The following MGAT5B variants were observed in gnomAD, a reference collection of about 807,000 sequenced individuals.
The protein encoded by MGAT5B is N-acetylglucosaminyl-transferase Vb.
MGAT5B carries 54 observed loss-of-function variants against 95.1 expected under a neutral mutation model. The ratio of observed to expected loss-of-function variants is 0.57; its 90% confidence interval spans 0.46 to 0.71. MGAT5B has a LOEUF of 0.71. MGAT5B is among the 30% of genes least tolerant of loss of function. The pLI is 0.00. For synonymous variants in MGAT5B, 464 were observed against 451.0 expected (o/e 1.03, Z -0.36); for missense variants, 935 against 1,088.6 (o/e 0.86, Z 1.99).
rs1227685498 is a variant in MGAT5B at position 76,870,473 on chromosome 17, G to T, written c.68+1376G>T. Reference sequence around the variant, plus strand: ...TGACTGGGAACGCTGGAGGGTCCTCGCCCCTTCCGACCCCATCCCTGTCCC... The same window carrying T: ...TGACTGGGAACGCTGGAGGGTCCTCTCCCCTTCCGACCCCATCCCTGTCCC... On this transcript the variant is annotated intron_variant, in intron 1 of 17. Coordinates refer to ENST00000569840, the MANE Select transcript of MGAT5B (RefSeq NM_001199172.2). This position sits in a 1 kb window ranked among gnomAD's most constrained non-coding sequence, Gnocchi z 5.0. Among the ~76,000 whole-genome samples, 2 of 100,288 alleles carry T rather than the reference G, an allele frequency of 2.0e-5. No individual in the cohort carries two copies. Among genetic ancestry groups the T allele is most frequent in the Non-Finnish European group, 3.7e-5 (2 of 53,504 alleles). The allele number at this position is 100,288 out of a possible 152,430, so 65.8% of individuals were successfully genotyped here.
In MGAT5B at chr17:76,869,575, C is replaced by T. The variant is rs1220091020; in HGVS notation, c.68+478C>T. Among the ~76,000 whole-genome samples the T allele has an allele frequency of 1.9e-4, 29 of 152,224 alleles. No individual in the cohort carries two copies. The highest frequency in any genetic ancestry group is 4.0e-4 in the Non-Finnish European group (27 of 68,034). The stretch of plus-strand genomic sequence containing the variant: ...CCAACCCCTCCGCCTGTGCCACCCT[C>T]TCCCCAGCCTTTGGTGGCACTGCTC... On this transcript the variant is annotated intron_variant, in intron 1 of 17. Coordinates refer to ENST00000569840, the MANE Select transcript of MGAT5B (RefSeq NM_001199172.2). The surrounding 1 kb of genome is among the most constrained non-coding windows in gnomAD (Gnocchi z 7.0).
Position 76,917,253 on chromosome 17 carries a change from G to A in MGAT5B, c.1026-7713G>A, listed in dbSNP as rs1968970388. Among the ~76,000 whole-genome samples, 1 of 152,100 alleles carries A rather than the reference G, an allele frequency of 6.6e-6. No homozygotes were observed. Among genetic ancestry groups the A allele is most frequent in the South Asian group, 2.1e-4 (1 of 4,816 alleles). On this transcript the variant is annotated intron_variant, in intron 8 of 17. Transcript: ENST00000569840. This position sits in a 1 kb window ranked among gnomAD's most constrained non-coding sequence, Gnocchi z 6.1. ...CAGGTCCGAATGTTCCTCGAAGTCA[G>A]TTTCTTTGCTGTGTCTCCGGCCTCT...
chr17:76,932,030 C>T (rs2145254682), intron 10 of MGAT5B, among the ~76,000 whole-genome samples: 1 of 151,890 alleles, frequency 6.6e-6, no homozygotes, highest in African/African-American at 2.4e-5. Context: ...TCCTCCTCCT[C>T]CTGTTCCTCC....
In MGAT5B at chr17:76,938,186, C is replaced by CA; in HGVS notation, c.1584+44dup. ...GCACCATTCTCACACTTGCCGGCTG[C>CA]AGACACTGAGGTCACCACCCATGCC... On this transcript the variant is annotated intron_variant, in intron 13 of 17. Coordinates refer to ENST00000569840, the MANE Select transcript of MGAT5B (RefSeq NM_001199172.2). The surrounding 1 kb of genome is among the most constrained non-coding windows in gnomAD (Gnocchi z 4.3). The CA allele has an allele frequency of 6.2e-7, 1 of 1,605,554 alleles. No homozygotes were observed. The highest frequency in any genetic ancestry group is 8.5e-7 in the Non-Finnish European group (1 of 1,174,944).
chr17:76,948,118 G>A (rs755285886), intron 17 of MGAT5B, 32 bp downstream of exon 17: 25 of 1,013,600 alleles, frequency 2.5e-5, no homozygotes, highest in Non-Finnish European at 3.4e-5. Context: ...CCACCCAGCC[G>A]CTATCATCGC....
rs1967783680 is a variant in MGAT5B, at chr17:76,889,308, G to A, written c.329+7010G>A. On this transcript the variant is annotated intron_variant, in intron 3 of 17. Coordinates refer to ENST00000569840, the MANE Select transcript of MGAT5B (RefSeq NM_001199172.2). The surrounding 1 kb of genome is among the most constrained non-coding windows in gnomAD (Gnocchi z 4.4). ...GTCACAGTGCCCATGGGAGGTGACT[G>A]AGCCCACGGGAGGTCACTGTGATGG... 6.6e-6 allele frequency among the ~76,000 whole-genome samples: 1 copy of A among 152,136 alleles called. No homozygotes were observed. The highest frequency in any genetic ancestry group is 2.4e-5 in the African/African-American group (1 of 41,416).
rs1430799651 is a variant in MGAT5B at position 76,915,646 on chromosome 17, C to T, written c.1026-9320C>T. Among the ~76,000 whole-genome samples the T allele has an allele frequency of 1.3e-5, 2 of 152,180 alleles. No individual in the cohort carries two copies. Among genetic ancestry groups the T allele is most frequent in the South Asian group, 2.1e-4 (1 of 4,822 alleles). ...TGGAATATTTTGTAACTTATAAGCACACAGATTAGGAAAAGGTGGGGAAGA... is the reference window on the plus strand; with the variant it reads ...TGGAATATTTTGTAACTTATAAGCATACAGATTAGGAAAAGGTGGGGAAGA... On this transcript the variant is annotated intron_variant, in intron 8 of 17. Transcript: ENST00000569840. The surrounding 1 kb of genome is among the most constrained non-coding windows in gnomAD (Gnocchi z 8.7).
chr17:76,931,204 C>T (rs1391221932), intron 10 of MGAT5B, among the ~76,000 whole-genome samples: 1 of 152,224 alleles, frequency 6.6e-6, no homozygotes, highest in Admixed American at 6.5e-5. Flanking sequence ...TCAAGTGATT[C>T]TCATGCCTCA....
In MGAT5B at chr17:76,930,405, A is replaced by T. The variant is rs1417643067; in HGVS notation, c.1292-2240A>T. Among the ~76,000 whole-genome samples the T allele has an allele frequency of 6.6e-6, 1 of 152,208 alleles. No homozygotes were observed. The highest frequency in any genetic ancestry group is 1.5e-5 in the Non-Finnish European group (1 of 68,038). ...TGTGGGGGATGTGCATTCGAAATGA[A>T]GAAATAGGGTATTTAGAATCAAGGC... is the stretch of plus-strand genomic sequence containing the variant. On this transcript the variant is annotated intron_variant, in intron 10 of 17. Coordinates refer to ENST00000569840, the MANE Select transcript of MGAT5B (RefSeq NM_001199172.2). The surrounding 1 kb of genome is among the most constrained non-coding windows in gnomAD (Gnocchi z 4.1).
chr17:76,925,117 G>T lies in MGAT5B; in HGVS notation c.1157+20G>T. 1 of 1,609,960 alleles carries T rather than the reference G, an allele frequency of 6.2e-7. No individual in the cohort carries two copies. The highest frequency in any genetic ancestry group is 1.1e-5 in the South Asian group (1 of 90,980). ...GTACCGGTGAGAGGGCGGCCAGAGGGTGGGCACGTGGCCCACATGCCAGGG... is the reference window on the plus strand; with the variant it reads ...GTACCGGTGAGAGGGCGGCCAGAGGTTGGGCACGTGGCCCACATGCCAGGG... On this transcript the variant is annotated intron_variant, in intron 9 of 17. Coordinates refer to ENST00000569840, the MANE Select transcript of MGAT5B (RefSeq NM_001199172.2).
At chr17:76,892,591 A>T (rs1444253961) in intron 3 of MGAT5B, among the ~76,000 whole-genome samples, 2 of 152,238 alleles carry the variant, frequency 1.3e-5, no homozygotes, top group Non-Finnish European at 2.9e-5. Flanking sequence ...CACAGCCATG[A>T]TCCTCACAGT....
rs1966949647 is a variant in MGAT5B, at chr17:76,870,072, G to T, written c.68+975G>T. Among the ~76,000 whole-genome samples, 1 of 152,220 alleles carries T rather than the reference G, an allele frequency of 6.6e-6. No individual in the cohort carries two copies. The highest frequency in any genetic ancestry group is 1.5e-5 in the Non-Finnish European group (1 of 68,018). On this transcript the variant is annotated intron_variant, in intron 1 of 17. Coordinates refer to ENST00000569840, the MANE Select transcript of MGAT5B (RefSeq NM_001199172.2). The surrounding 1 kb of genome is among the most constrained non-coding windows in gnomAD (Gnocchi z 5.0). ...GGGCCGGACTCGGGACGTGGCCACA[G>T]GTGGGCTCCGGGCGCGGGAAGGAGC...
intron 8 of MGAT5B, chr17:76,924,165 C>G (rs1040403084): frequency 6.6e-6 from 1 of 152,244 alleles, no homozygotes. Flanking sequence ...GAACCCTTCT[C>G]CAGGGAGGTG....
At chr17:76,901,582 C>T (rs776632022) in intron 3 of MGAT5B, among the ~76,000 whole-genome samples, 8 of 152,102 alleles carry the variant, frequency 5.3e-5, no homozygotes, top group Non-Finnish European at 1.0e-4. Flanking sequence ...GGAAATAAAT[C>T]CTCCAAAAAT....
intron 3 of MGAT5B, among the ~76,000 whole-genome samples, chr17:76,901,816 A>G (rs491682): frequency 0.14 from 20,656 of 152,290 alleles, 1,839 homozygotes; most frequent in African/African-American, 0.22. Context: ...TGTGCCTAGG[A>G]AAAGGCCTCT....
At chr17:76,891,561 G>A (rs760966162) in intron 3 of MGAT5B, among the ~76,000 whole-genome samples, 2 of 152,106 alleles carry the variant, frequency 1.3e-5, no homozygotes, top group Non-Finnish European at 2.9e-5. Flanking sequence ...TTGTATTTTA[G>A]TAGAGTCAGG....
Position 76,912,895 on chromosome 17 carries a change from C to A in MGAT5B, c.1025+6708C>A, listed in dbSNP as rs1213294020. On this transcript the variant is annotated intron_variant, in intron 8 of 17. Coordinates refer to ENST00000569840, the MANE Select transcript of MGAT5B (RefSeq NM_001199172.2). This position sits in a 1 kb window ranked among gnomAD's most constrained non-coding sequence, Gnocchi z 5.0. Reference sequence around the variant, plus strand: ...CGTGCATGTGCAGGTCCAGGGTGGGCGTTTTAAAGTTAAGCCTTTCCCTTC... The same window carrying A: ...CGTGCATGTGCAGGTCCAGGGTGGGAGTTTTAAAGTTAAGCCTTTCCCTTC... Among the ~76,000 whole-genome samples, 5 of 152,134 alleles carry A rather than the reference C, an allele frequency of 3.3e-5. No homozygotes were observed. The highest frequency in any genetic ancestry group is 9.7e-5 in the African/African-American group (4 of 41,406).
intron 2 of MGAT5B, among the ~76,000 whole-genome samples, chr17:76,880,200 C>T (rs1053932573): frequency 6.6e-6 from 1 of 152,178 alleles, no homozygotes; most frequent in Non-Finnish European, 1.5e-5. Flanking sequence ...CCACATCCCC[C>T]CTGCTCCCAT....
Position 76,915,457 on chromosome 17 carries a change from G to A in MGAT5B, c.1025+9270G>A, listed in dbSNP as rs1968896071. ...AGGCAGCGGGAGACGCGAGGAAGTG[G>A]ACAAGACCGAAAAACAACCCTCGGG... is the stretch of plus-strand genomic sequence containing the variant. On this transcript the variant is annotated intron_variant, in intron 8 of 17. Transcript: ENST00000569840. This position sits in a 1 kb window ranked among gnomAD's most constrained non-coding sequence, Gnocchi z 8.7. 6.6e-6 allele frequency among the ~76,000 whole-genome samples: 1 copy of A among 152,112 alleles called. No homozygotes were observed. Among genetic ancestry groups the A allele is most frequent in the South Asian group, 2.1e-4 (1 of 4,822 alleles).
Sources: gnomAD v4.1 joint callset for allele counts (sites outside exome capture counted in the v4.1 genomes callset) on GRCh38, gnomAD v4.1.1 for gene constraint, Gnocchi (gnomAD v3.1) non-coding constraint, MANE v1.5 for transcripts, NCBI Gene and HGNC (gene_info 2026-07-23, HGNC 2026-07-21) for gene names.